The following PDSS1 variants were observed in gnomAD, a reference collection of about 807,000 sequenced individuals.
PDSS1 encodes all trans-polyprenyl-diphosphate synthase PDSS1.
A neutral mutation model predicts 57.5 loss-of-function variants in PDSS1; 43 were observed. That is an observed-to-expected ratio of 0.75 (90% CI 0.59 to 0.96). The LOEUF is 0.96. Among genes scored for constraint, PDSS1 ranks in the 50% least tolerant of loss-of-function variants. PDSS1 has a pLI of 0.00. For synonymous variants in PDSS1, 175 were observed against 191.3 expected (o/e 0.91, Z 0.70); for missense variants, 438 against 527.8 (o/e 0.83, Z 1.67).
At chr10:26,708,407 C>T (rs533821113) in intron 4 of PDSS1, among the ~76,000 whole-genome samples, 23 of 152,338 alleles carry the variant, frequency 1.5e-4, no homozygotes, top group Admixed American at 1.4e-3. Flanking sequence ...CATCAAAGCC[C>T]ATCTCCTCCA....
chr10:26,743,078 CAAT>C lies in PDSS1; in HGVS notation c.1107+504_1107+506del, dbSNP rs139947136. Among the ~76,000 whole-genome samples, 1,508 of 152,356 alleles carry C rather than the reference CAAT, an allele frequency of 9.9e-3. 21 individuals carry two copies. Among genetic ancestry groups the C allele is most frequent in the African/African-American group, 0.035 (1,447 of 41,572 alleles). On this transcript the variant is annotated intron_variant, in intron 11 of 11. Coordinates refer to ENST00000376215, the MANE Select transcript of PDSS1 (RefSeq NM_014317.5). Reference sequence around the variant, plus strand: ...TGACTAAAGAAATGATCATTGAAAACAATAAACCAACACAGGCAAACTATACAT... The same window carrying C: ...TGACTAAAGAAATGATCATTGAAAACAAACCAACACAGGCAAACTATACAT...
intron 11 of PDSS1, among the ~76,000 whole-genome samples, chr10:26,742,895 G>GTGTC (rs1289247868): frequency 1.3e-5 from 2 of 152,162 alleles, no homozygotes; most frequent in Non-Finnish European, 2.9e-5. Context: ...AGCCTTCCCT[G>GTGTC]TGTCCATCAA....
intron 5 of PDSS1, 119 bp from the exon 6 acceptor site, chr10:26,720,099 C>T: frequency 1.4e-6 from 2 of 1,439,104 alleles, no homozygotes; most frequent in East Asian, 4.9e-5. Flanking sequence ...AGTTTTTATA[C>T]CGTTTCTCTT....
rs541232502 is a variant in PDSS1 at position 26,742,911 on chromosome 10, T to C, written c.1107+334T>C. ...GCCTTCCCTGTGTCCATCAACAGAA[T>C]CACTGGGCCCCCAGTCACCCAGCCT... On this transcript the variant is annotated intron_variant, in intron 11 of 11. Transcript: ENST00000376215. Among the ~76,000 whole-genome samples, 6 of 152,276 alleles carry C rather than the reference T, an allele frequency of 3.9e-5. No individual in the cohort carries two copies. The East Asian group carries it at 1.2e-3, about 29-fold the overall frequency.
chr10:26,732,420 G>T (rs930941159), intron 8 of PDSS1, among the ~76,000 whole-genome samples: 2 of 152,218 alleles, frequency 1.3e-5, no homozygotes, highest in African/African-American at 4.8e-5. Flanking sequence ...TGGGCACAGA[G>T]GGGACAGTGC....
At position 26,713,392 on chromosome 10, in the gene PDSS1, G is replaced by T. The variant is rs151008520; in HGVS notation, c.467+3624G>T. 5.5e-4 allele frequency among the ~76,000 whole-genome samples: 84 copies of T among 152,248 alleles called. No homozygotes were observed. In the East Asian group the frequency reaches 7.9e-3, roughly 14 times the overall value. On this transcript the variant is annotated intron_variant, in intron 5 of 11. Coordinates refer to ENST00000376215, the MANE Select transcript of PDSS1 (RefSeq NM_014317.5). ...AGGTATATCTTAAGAAACAGAGCACGAGGGAGAAACTACTACTTACTGATT... is the reference window on the plus strand; with the variant it reads ...AGGTATATCTTAAGAAACAGAGCACTAGGGAGAAACTACTACTTACTGATT...
intron 5 of PDSS1, among the ~76,000 whole-genome samples, chr10:26,717,246 TCG>T (rs1447948247): frequency 1.2e-4 from 18 of 152,320 alleles, no homozygotes; most frequent in African/African-American, 4.3e-4. Flanking sequence ...ATTTATTTAT[TCG>T]GAGACAGAGT....
At chr10:26,698,588 C>T (rs945621518) in intron 1 of PDSS1, among the ~76,000 whole-genome samples, 1 of 152,168 alleles carries the variant, frequency 6.6e-6, no homozygotes, top group Non-Finnish European at 1.5e-5. Flanking sequence ...CACTGTGAGC[C>T]CTTCTGCGCT....
At chr10:26,744,303 C>T (rs1041417573) in intron 11 of PDSS1, among the ~76,000 whole-genome samples, 3 of 151,968 alleles carry the variant, frequency 2.0e-5, no homozygotes, top group South Asian at 2.1e-4. Context: ...CCATTAAATC[C>T]GAAGGCAAAA....
At chr10:26,701,865 T>A (rs887411579) in intron 1 of PDSS1, 3 of 454,642 alleles carry the variant, frequency 6.6e-6, no homozygotes, top group Non-Finnish European at 1.3e-5. Flanking sequence ...CTGCAGGCAC[T>A]CAATGCCAGC....
chr10:26,723,032 GT>G (rs971240430), intron 6 of PDSS1, among the ~76,000 whole-genome samples: 26 of 152,094 alleles, frequency 1.7e-4, no homozygotes, highest in African/African-American at 4.6e-4. Context: ...GGTGTGCTCA[GT>G]ACTAGCTGAG....
intron 2 of PDSS1, among the ~76,000 whole-genome samples, chr10:26,704,430 C>T (rs926817248): frequency 2.0e-5 from 3 of 151,338 alleles, no homozygotes; most frequent in Non-Finnish European, 4.4e-5. Context: ...AAATGGCTTT[C>T]TTTGGGGGAA....
chr10:26,722,502 C>T (rs769852294), intron 6 of PDSS1, among the ~76,000 whole-genome samples: 3 of 151,972 alleles, frequency 2.0e-5, no homozygotes, highest in Non-Finnish European at 2.9e-5. Flanking sequence ...GCCAGGAGTT[C>T]GAGACCAGCC....
At chr10:26,700,853 G>T (rs531411740) in intron 1 of PDSS1, among the ~76,000 whole-genome samples, 42 of 152,266 alleles carry the variant, frequency 2.8e-4, no homozygotes, top group Middle Eastern at 3.4e-3. Flanking sequence ...AGTTGGCATT[G>T]ATATAAGATA....
intron 2 of PDSS1, among the ~76,000 whole-genome samples, chr10:26,703,604 CA>C (rs573901494): frequency 1.8e-4 from 28 of 152,188 alleles, no homozygotes; most frequent in African/African-American, 6.7e-4. Flanking sequence ...CATAGGTTGT[CA>C]TATAATGGTT....
chr10:26,743,584 T>G (rs1219045971), intron 11 of PDSS1, among the ~76,000 whole-genome samples: 2 of 152,162 alleles, frequency 1.3e-5, no homozygotes, highest in Non-Finnish European at 2.9e-5. Context: ...AAGTCAATAT[T>G]CCCTGGGAGA....
intron 8 of PDSS1, among the ~76,000 whole-genome samples, chr10:26,725,456 G>A (rs115808308): frequency 1.8e-4 from 28 of 151,916 alleles, no homozygotes; most frequent in African/African-American, 2.7e-4. Context: ...CCACAGTCTC[G>A]ACCACTTTTG....
chr10:26,707,186 G>A (rs1043631463), intron 4 of PDSS1, among the ~76,000 whole-genome samples: 11 of 152,148 alleles, frequency 7.2e-5, no homozygotes, highest in Admixed American at 2.0e-4. Flanking sequence ...ATGCTCACGT[G>A]AGGCATTCTT....
chr10:26,705,113 A>G (rs1321218479), intron 3 of PDSS1, among the ~76,000 whole-genome samples, 173 bp from the exon 4 acceptor site: 1 of 152,190 alleles, frequency 6.6e-6, no homozygotes, highest in East Asian at 1.9e-4. Flanking sequence ...TTGATCTGTC[A>G]TTTAGCAAGA....
Sources: allele counts gnomAD v4.1 joint callset (sites outside exome capture counted in the v4.1 genomes callset), GRCh38; gene constraint gnomAD v4.1.1; transcripts MANE v1.5; gene names NCBI Gene and HGNC (gene_info 2026-07-23, HGNC 2026-07-21).